The following ALAD variants were observed in gnomAD, a reference collection of about 807,000 sequenced individuals.
The protein encoded by ALAD is aminolevulinate dehydratase.
Under a neutral mutation model 44.4 loss-of-function variants are expected in ALAD, and 20 were observed. The ratio of observed to expected loss-of-function variants is 0.45; its 90% confidence interval spans 0.32 to 0.65. ALAD has a LOEUF of 0.65. ALAD is among the 30% of genes least tolerant of loss of function. The probability of loss-of-function intolerance (pLI) is 0.05; values close to 1 mark genes in which losing one functional copy is unlikely to be tolerated. For missense variants in ALAD, 323 were observed against 445.7 expected, an observed-to-expected ratio of 0.72 and a Z score of 2.48; for synonymous variants, 156 against 167.9, an observed-to-expected ratio of 0.93 and a Z score of 0.55.
At chr9:113,389,869 GC>G in intron 7 of ALAD, 41 bp from the exon 8 acceptor site, 2 of 1,612,042 alleles carry the variant, frequency 1.2e-6, no homozygotes, top group Non-Finnish European at 1.7e-6. Flanking sequence ...TTCGGCCCTT[GC>G]CAGGTATCCC....
At chr9:113,391,356 C>A (rs1433131931) in intron 4 of ALAD, among the ~76,000 whole-genome samples, 171 bp downstream of exon 4, 1 of 152,140 alleles carries the variant, frequency 6.6e-6, no homozygotes, top group African/African-American at 2.4e-5. Context: ...AGGCACATAC[C>A]CCCACACCCA....
At chr9:113,392,815 CT>C (rs34148636) in intron 2 of ALAD, among the ~76,000 whole-genome samples, 260 of 113,070 alleles carry the variant, frequency 2.3e-3, no homozygotes, top group East Asian at 0.019. Context: ...ATTGCCATCT[CT>C]TTTTTTTTTT....
rs759872351 is a variant in ALAD, at chr9:113,392,179, C to T, written c.114-10G>A. ...GTCATCAGGAACATCCCTGCAAGAG[C>T]GGGGGTGGGATATGGATTGGTAGCT... is the stretch of plus-strand genomic sequence containing the variant. On this transcript the variant is annotated splice_polypyrimidine_tract_variant and intron_variant, in intron 2 of 11. Transcript: ENST00000409155. The T allele has an allele frequency of 1.5e-5, 24 of 1,613,584 alleles. No homozygotes were observed. The highest frequency in any genetic ancestry group is 2.7e-5 in the African/African-American group (2 of 74,840).
At chr9:113,392,228 G>A in intron 2 of ALAD, 59 bp from the exon 3 acceptor site, 2 of 1,612,960 alleles carry the variant, frequency 1.2e-6, no homozygotes, top group Non-Finnish European at 1.7e-6. Flanking sequence ...GTGGTGCGGG[G>A]GCGACTGAGA....
chr9:113,398,998 G>A (rs376767777), intron 1 of ALAD, among the ~76,000 whole-genome samples: 68 of 152,302 alleles, frequency 4.5e-4, no homozygotes, highest in Middle Eastern at 6.8e-3. Context: ...AAATGCCTGT[G>A]ACATTACCAC....
At chr9:113,392,904 G>A (rs1430825716) in intron 2 of ALAD, among the ~76,000 whole-genome samples, 4 of 138,180 alleles carry the variant, frequency 2.9e-5, no homozygotes, top group African/African-American at 8.2e-5. Context: ...TGCAAGCTCC[G>A]CCTCCCGGGT....
In ALAD at chr9:113,389,103, G is replaced by A; in HGVS notation, c.805C>T (p.Pro269Ser). Reference protein sequence around the residue: ...DIVREVKDKHPDLPLAVYHVS... With the variant: ...DIVREVKDKHSDLPLAVYHVS... ...TGGTACACGGCGAGAGGGAGGTCAG[G>A]GTGCTGCAGGGAAGCAGACAGGGAG... is the stretch of plus-strand genomic sequence containing the variant. Residue 269 changes from proline (P) to serine (S), a missense_variant, in exon 11 of 12, where the codon CCT (proline) becomes TCT (serine). Pro to Ser is a moderately conservative substitution (Grantham distance 74, BLOSUM62 -1). Transcript: ENST00000409155. 1 of 1,613,982 alleles carries A rather than the reference G, an allele frequency of 6.2e-7. No individual in the cohort carries two copies. The highest frequency in any genetic ancestry group is 2.2e-5 in the East Asian group (1 of 44,872).
At chr9:113,397,615 CTTTTCTTTT>C (rs1216561011) in intron 1 of ALAD, among the ~76,000 whole-genome samples, 6 of 141,778 alleles carry the variant, frequency 4.2e-5, no homozygotes, top group African/African-American at 1.6e-4. Context: ...GTTTTTTTTC[CTTTTCTTTT>C]TTTTTTTTTT....
intron 1 of ALAD, among the ~76,000 whole-genome samples, chr9:113,398,526 T>C (rs888481510): frequency 6.6e-6 from 1 of 152,332 alleles, no homozygotes; most frequent in African/African-American, 2.4e-5. Context: ...GGGAACAGTC[T>C]CACTACAGCA....
At position 113,388,079 on chromosome 9, in the gene ALAD, G is replaced by C; in HGVS notation, c.*221C>G. 1.7e-6 allele frequency: 1 copy of C among 604,332 alleles called. No homozygotes were observed. Among genetic ancestry groups the C allele is most frequent in the Non-Finnish European group, 3.0e-6 (1 of 331,650 alleles). The allele number at this position is 604,332 out of a possible 1,614,324, so 37.4% of individuals were successfully genotyped here. ...AGGTGGGCCTCACGGCTGACCCAGG[G>C]GAGGGGCGGGGAAGCTTGGGAGAGC... is the stretch of plus-strand genomic sequence containing the variant. On this transcript the variant is annotated 3_prime_UTR_variant, in exon 12 of 12. Transcript: ENST00000409155.
At chr9:113,388,763 C>T (rs373499139) in intron 11 of ALAD, among the ~76,000 whole-genome samples, 3 of 152,320 alleles carry the variant, frequency 2.0e-5, no homozygotes, top group South Asian at 4.1e-4. Flanking sequence ...GGCTTGCCCA[C>T]GTTCTCACAA....
At chr9:113,389,412 C>A (rs766210896) in intron 10 of ALAD, 26 bp downstream of exon 10, 3 of 1,611,466 alleles carry the variant, frequency 1.9e-6, no homozygotes, top group Non-Finnish European at 2.5e-6. Context: ...CCCCCTGAGC[C>A]CCCTTTGCCT....
intron 3 of ALAD, 64 bp from the exon 4 acceptor site, chr9:113,391,687 C>T: frequency 7.5e-7 from 1 of 1,338,148 alleles, no homozygotes; most frequent in East Asian, 2.3e-5. Flanking sequence ...CTCCGGACCC[C>T]ACCACACTGT....
intron 7 of ALAD, 90 bp downstream of exon 7, chr9:113,390,315 C>T (rs571669315): frequency 1.4e-5 from 20 of 1,381,350 alleles, no homozygotes; most frequent in Non-Finnish European, 1.9e-5. Flanking sequence ...AGCCAACACG[C>T]CCGGCAGTTC....
intron 1 of ALAD, among the ~76,000 whole-genome samples, chr9:113,398,472 C>T (rs1827788119): frequency 6.6e-6 from 1 of 152,292 alleles, no homozygotes; most frequent in Admixed American, 6.5e-5. Context: ...AACCCTGGGG[C>T]AGGACTGCCT....
intron 7 of ALAD, 45 bp downstream of exon 7, chr9:113,390,360 G>GCAGACTAT (rs1827537120): frequency 6.3e-7 from 1 of 1,579,430 alleles, no homozygotes; most frequent in South Asian, 1.1e-5. Context: ...CAGGGCTGGT[G>GCAGACTAT]CAGACTATCT....
rs913851698 is a variant in ALAD, at chr9:113,387,964, C to G, written c.*336G>C. On this transcript the variant is annotated 3_prime_UTR_variant, in exon 12 of 12. Transcript: ENST00000409155. Reference sequence around the variant, plus strand: ...CTTCTTCCCCTAATGCTCCAAGACCCTCTCCCAGCCAGGCCCCAAAGGCTG... The same window carrying G: ...CTTCTTCCCCTAATGCTCCAAGACCGTCTCCCAGCCAGGCCCCAAAGGCTG... 2.5e-6 allele frequency: 1 copy of G among 393,406 alleles called. No individual in the cohort carries two copies. Among genetic ancestry groups the G allele is most frequent in the African/African-American group, 2.1e-5 (1 of 48,460 alleles). 24.4% of individuals were successfully genotyped at this position (393,406 alleles called of 1,614,324 possible). A position where few individuals can be genotyped will look rare whatever the true frequency, so the allele number is the denominator to read the frequency against.
intron 1 of ALAD, 148 bp from the exon 2 acceptor site, chr9:113,393,782 C>T (rs775147498): frequency 1.9e-5 from 10 of 517,606 alleles, no homozygotes; most frequent in African/African-American, 1.7e-4. Context: ...TGCTGGTCAA[C>T]AAGGTAAGTT....
Position 113,389,030 on chromosome 9 carries a change from G to A in ALAD, c.878C>T (p.Ala293Val), listed in dbSNP as rs1794797413. 1 of 1,613,878 alleles carries A rather than the reference G, an allele frequency of 6.2e-7. No individual in the cohort carries two copies. Among genetic ancestry groups the A allele is most frequent in the Non-Finnish European group, 8.5e-7 (1 of 1,180,038 alleles). Reference sequence around the variant, plus strand: ...CAGTACGGCAGCCTTGAGATCAAATGCCCCGGCCTGGGCTCCATGCCACAG... The same window carrying A: ...CAGTACGGCAGCCTTGAGATCAAATACCCCGGCCTGGGCTCCATGCCACAG... The part of the protein sequence containing the change: ...AMLWHGAQAG[A>V]FDLKAAVLEA... The change falls in exon 11 of 12, where the codon GCA becomes GTA. Residue 293 changes from alanine (A) to valine (V), a missense_variant. Ala to Val is a moderately conservative substitution (Grantham distance 64). Transcript: ENST00000409155.
Sources: allele counts gnomAD v4.1 joint callset (sites outside exome capture counted in the v4.1 genomes callset), GRCh38; gene constraint gnomAD v4.1.1; transcripts MANE v1.5; gene names NCBI Gene and HGNC (gene_info 2026-07-23, HGNC 2026-07-21).